The following TBK1 variants were observed in gnomAD, a reference collection of about 807,000 sequenced individuals.
TBK1 encodes TANK binding kinase 1.
TBK1 carries 37 observed loss-of-function variants against 99.9 expected under a neutral mutation model. The ratio of observed to expected loss-of-function variants is 0.37; its 90% CI spans 0.28 to 0.49. The LOEUF (loss-of-function observed/expected upper bound fraction) is 0.49, where lower values mean the gene tolerates loss of function less well. Among genes scored for constraint, TBK1 ranks in the 20% least tolerant of loss-of-function variants. The pLI is 0.98. For missense variants in TBK1, 644 were observed against 872.5 expected, an observed-to-expected ratio of 0.74 and a Z score of 3.30; for synonymous variants, 258 against 279.8, an observed-to-expected ratio of 0.92 and a Z score of 0.78.
In TBK1 at chr12:64,490,118, G is replaced by T. The variant is rs1251738886; in HGVS notation, c.1520G>T (p.Arg507Ile). ...TCAGACATACACACCAAATTGTTGAGAGTAAGTGTTTACAAAATTACGAAA... is the reference window on the plus strand; with the variant it reads ...TCAGACATACACACCAAATTGTTGATAGTAAGTGTTTACAAAATTACGAAA... ...EISDIHTKLLRLSSSQGTIET... is the reference protein window; with the variant it reads ...EISDIHTKLLILSSSQGTIET... The change falls in exon 13 of 21, where the codon AGA becomes ATA. Residue 507 changes from arginine to isoleucine, a missense_variant and splice_region_variant. Physicochemically the swap from Arg to Ile is moderately conservative, Grantham distance 97. Transcript: ENST00000331710. The T allele has an allele frequency of 6.2e-7, 1 of 1,606,496 alleles. No individual in the cohort carries two copies. Among genetic ancestry groups the T allele is most frequent in the African/African-American group, 1.3e-5 (1 of 74,640 alleles).
In TBK1 at chr12:64,501,390, T is replaced by C; in HGVS notation, c.*9T>C. ...ACGTTGACTGTCTTTAGCTTTCTAA[T>C]AGAAGTTTAAGAAAAGTTTCCGTTT... is the stretch of plus-strand genomic sequence containing the variant. On this transcript the variant is annotated 3_prime_UTR_variant, in exon 21 of 21. Coordinates refer to ENST00000331710, the MANE Select transcript of TBK1 (RefSeq NM_013254.4). 6.2e-7 allele frequency: 1 copy of C among 1,612,904 alleles called. No individual in the cohort carries two copies. Among genetic ancestry groups the C allele is most frequent in the East Asian group, 2.2e-5 (1 of 44,852 alleles).
At chr12:64,477,478 C>T (rs2040725904) in intron 6 of TBK1, among the ~76,000 whole-genome samples, 1 of 152,152 alleles carries the variant, frequency 6.6e-6, no homozygotes, top group African/African-American at 2.4e-5. Context: ...TATAGAAATG[C>T]TACTGATTGT....
At chr12:64,490,553 C>G (rs1310183645) in intron 13 of TBK1, among the ~76,000 whole-genome samples, 1 of 151,876 alleles carries the variant, frequency 6.6e-6, no homozygotes, top group Non-Finnish European at 1.5e-5. Context: ...ATCCATAATG[C>G]TCTTGTGTTC....
At chr12:64,472,908 T>C (rs1281030901) in intron 5 of TBK1, among the ~76,000 whole-genome samples, 2 of 152,200 alleles carry the variant, frequency 1.3e-5, no homozygotes, top group Non-Finnish European at 2.9e-5. Context: ...CTTGGTGTAA[T>C]ATGTCCTATG....
intron 6 of TBK1, among the ~76,000 whole-genome samples, chr12:64,475,536 T>C (rs1248649347): frequency 6.6e-6 from 1 of 152,184 alleles, no homozygotes; most frequent in African/African-American, 2.4e-5. Flanking sequence ...GGCGAGACAA[T>C]ATGATGGGCT....
At chr12:64,499,037 C>CTTTTTTTTTTTTTTTTTTTTTTTTTTTT (rs763709411) in intron 20 of TBK1, among the ~76,000 whole-genome samples, 1 of 79,258 alleles carries the variant, frequency 1.3e-5, no homozygotes. Context: ...TAATTTTATT[C>CTTTTTTTTTTTTTTTTTTTTTTTTTTTT]TTTTTTTTTT....
intron 11 of TBK1, among the ~76,000 whole-genome samples, chr12:64,487,189 C>G (rs1044648781): frequency 6.6e-6 from 1 of 152,106 alleles, no homozygotes; most frequent in Admixed American, 6.6e-5. Context: ...AATACATTAT[C>G]TCTTTTGGAA....
At position 64,474,404 on chromosome 12, in the gene TBK1, C is replaced by T. The variant is rs780329803; in HGVS notation, c.701+14C>T. On this transcript the variant is annotated intron_variant, in intron 6 of 20. Transcript: ENST00000331710. ...TAAAGAAGTGATGTAAGTGGTTTCC[C>T]GATCTAAAATCAGAGAAGCATTTAA... The T allele has an allele frequency of 9.4e-6, 15 of 1,593,382 alleles. No homozygotes were observed. The highest frequency in any genetic ancestry group is 5.3e-5 in the Admixed American group (3 of 57,120).
chr12:64,501,663 T>A lies in TBK1; in HGVS notation c.*282T>A. On this transcript the variant is annotated 3_prime_UTR_variant, in exon 21 of 21. Transcript: ENST00000331710. ...GACCAATATGTTGACATACTGATCC[T>A]CTACTCTGAGTGGGGCTAAATAAGT... is the stretch of plus-strand genomic sequence containing the variant. 1 of 311,484 alleles carries A rather than the reference T, an allele frequency of 3.2e-6. No individual in the cohort carries two copies. 19.3% of individuals were successfully genotyped at this position (311,484 alleles called of 1,614,324 possible). A position where few individuals can be genotyped will look rare whatever the true frequency, so the allele number is the denominator to read the frequency against.
chr12:64,496,477 CT>C, intron 16 of TBK1, 71 bp downstream of exon 16: 1 of 722,370 alleles, frequency 1.4e-6, no homozygotes, highest in Non-Finnish European at 2.1e-6. Flanking sequence ...TATGATTCTT[CT>C]TAAAGTTGAA....
intron 13 of TBK1, among the ~76,000 whole-genome samples, chr12:64,494,210 C>G (rs1370849126): frequency 6.6e-6 from 1 of 151,652 alleles, no homozygotes; most frequent in Non-Finnish European, 1.5e-5. Context: ...ACCTGTAATC[C>G]CAGCACTTTG....
chr12:64,480,336 G>T (rs2040757538), intron 7 of TBK1, among the ~76,000 whole-genome samples: 1 of 152,162 alleles, frequency 6.6e-6, no homozygotes, highest in South Asian at 2.1e-4. Context: ...TCTTCATTAG[G>T]ACACAGGGCA....
chr12:64,497,100 T>C (rs1336876336), intron 17 of TBK1, 50 bp downstream of exon 17: 2 of 1,580,890 alleles, frequency 1.3e-6, no homozygotes, highest in Non-Finnish European at 1.7e-6. Context: ...ACAATATAAA[T>C]GTATATTTGA....
chr12:64,484,620 C>A, intron 9 of TBK1, 121 bp downstream of exon 9: 1 of 923,020 alleles, frequency 1.1e-6, no homozygotes, highest in Non-Finnish European at 1.6e-6. Context: ...GGCATGGTGG[C>A]TTGCACCTGT....
At chr12:64,469,887 T>C (rs1439970282) in intron 5 of TBK1, among the ~76,000 whole-genome samples, 1 of 152,076 alleles carries the variant, frequency 6.6e-6, no homozygotes, top group Non-Finnish European at 1.5e-5. Context: ...AGCCCACACC[T>C]GTCATAGCCA....
chr12:64,463,923 G>T (rs541532696), intron 3 of TBK1, among the ~76,000 whole-genome samples: 2 of 150,750 alleles, frequency 1.3e-5, no homozygotes, highest in South Asian at 4.2e-4. Context: ...GACTGCAGTA[G>T]TGCAATCTCG....
chr12:64,488,507 A>G lies in TBK1; in HGVS notation c.1361A>G (p.Tyr454Cys). 6.3e-7 allele frequency: 1 copy of G among 1,585,652 alleles called. No individual in the cohort carries two copies. Among genetic ancestry groups the G allele is most frequent in the South Asian group, 1.2e-5 (1 of 83,550 alleles). ...TTTAGTGAATTAATTAAAGATGATT[A>G]CAATGAAACTGTTCACAAAAAGACA... ...RWLIELIKDD[Y>C]NETVHKKTEV... is the part of the protein sequence containing the mutation. Residue 454 changes from tyrosine (Y) to cysteine (C), a missense_variant, in exon 12 of 21, where the codon TAC becomes TGC. By Grantham distance (194) the Tyr-to-Cys change is radical. Coordinates refer to ENST00000331710, the MANE Select transcript of TBK1 (RefSeq NM_013254.4).
At chr12:64,478,726 T>G (rs1029280654) in intron 6 of TBK1, among the ~76,000 whole-genome samples, 4 of 152,236 alleles carry the variant, frequency 2.6e-5, no homozygotes, top group African/African-American at 9.6e-5. Context: ...TGAGCCTGCT[T>G]TATGTCATTG....
intron 11 of TBK1, among the ~76,000 whole-genome samples, chr12:64,486,679 C>T (rs2040824022): frequency 6.6e-6 from 1 of 151,906 alleles, no homozygotes; most frequent in Admixed American, 6.6e-5. Context: ...GGCAATCAGC[C>T]CGCCTCAGCT....
Sources: gnomAD v4.1 joint callset for allele counts (sites outside exome capture counted in the v4.1 genomes callset) on GRCh38, gnomAD v4.1.1 for gene constraint, MANE v1.5 for transcripts, NCBI Gene and HGNC (gene_info 2026-07-23, HGNC 2026-07-21) for gene names.